SPIDR: variants seen among roughly 807,000 people sequenced by gnomAD.
SPIDR encodes scaffold protein involved in DNA repair, also known as DNA repair-scaffolding protein.
SPIDR carries 93 observed loss-of-function variants against 104.6 expected under a neutral mutation model. That is an observed-to-expected ratio of 0.89 (90% confidence interval 0.75 to 1.06). The LOEUF (loss-of-function observed/expected upper bound fraction) is 1.06. SPIDR is among the 50% of genes least tolerant of loss of function. SPIDR has a pLI of 0.00. For missense variants in SPIDR, 1,154 were observed against 1,111.2 expected (o/e 1.04, Z -0.55); for synonymous variants, 431 against 416.9 (o/e 1.03, Z -0.41).
intron 8 of SPIDR, among the ~76,000 whole-genome samples, chr8:47,475,790 T>C (rs1323357342): frequency 6.6e-6 from 1 of 152,214 alleles, no homozygotes; most frequent in Non-Finnish European, 1.5e-5. Context: ...TTTCTTTATC[T>C]AAACCAATAC....
intron 10 of SPIDR, among the ~76,000 whole-genome samples, chr8:47,624,497 A>C (rs1179077571): frequency 6.6e-6 from 1 of 152,184 alleles, no homozygotes; most frequent in African/African-American, 2.4e-5. Flanking sequence ...TAGCAAGACT[A>C]ATAAAGAAGA....
At chr8:47,545,099 CTTTCTTTCTTTCTTTCTTTCT>C (rs2154394416) in intron 8 of SPIDR, among the ~76,000 whole-genome samples, 1 of 133,712 alleles carries the variant, frequency 7.5e-6, no homozygotes, top group Non-Finnish European at 1.6e-5. Flanking sequence ...TTCTTTCTTT[CTTTCTTTCTTTCTTTCTTTCT>C]TTTTTTTTTT....
At chr8:47,713,307 G>T in intron 15 of SPIDR, 182 bp from the exon 16 acceptor site, 1 of 783,040 alleles carries the variant, frequency 1.3e-6, no homozygotes, top group South Asian at 1.9e-5. Context: ...ACATTTGAGT[G>T]CTTTTTTAGC....
At chr8:47,333,264 A>G (rs1404265743) in intron 5 of SPIDR, among the ~76,000 whole-genome samples, 1 of 152,070 alleles carries the variant, frequency 6.6e-6, no homozygotes, top group African/African-American at 2.4e-5. Context: ...TTTTACAGTT[A>G]ACTTAAGAAA....
At chr8:47,353,052 C>CA (rs57853552) in intron 5 of SPIDR, among the ~76,000 whole-genome samples, 41,438 of 75,122 alleles carry the variant, frequency 0.55, 12,131 homozygotes, top group Non-Finnish European at 0.68. Flanking sequence ...GACTCTATCT[C>CA]AAAAAAAAAA....
intron 8 of SPIDR, among the ~76,000 whole-genome samples, chr8:47,575,792 T>C (rs2059037521): frequency 6.6e-6 from 1 of 151,562 alleles, no homozygotes; most frequent in African/African-American, 2.4e-5. Flanking sequence ...AAACCCCGTC[T>C]CTACTGAAAA....
intron 10 of SPIDR, among the ~76,000 whole-genome samples, chr8:47,628,334 G>T (rs1042669640): frequency 2.0e-5 from 3 of 152,130 alleles, no homozygotes; most frequent in African/African-American, 7.2e-5. Context: ...AACCATTTCT[G>T]ACAAAGTTCA....
At chr8:47,400,312 A>G (rs1050332189) in intron 6 of SPIDR, among the ~76,000 whole-genome samples, 14 of 152,220 alleles carry the variant, frequency 9.2e-5, no homozygotes, top group Non-Finnish European at 1.8e-4. Context: ...ACAGCATGCA[A>G]TTGATCATTT....
chr8:47,363,350 C>T (rs1238563240), intron 5 of SPIDR, among the ~76,000 whole-genome samples: 3 of 150,160 alleles, frequency 2.0e-5, no homozygotes, highest in African/African-American at 4.9e-5. Context: ...GGACTACAGG[C>T]GCCCGCCGCT....
chr8:47,280,478 C>T (rs1328273970), intron 2 of SPIDR, among the ~76,000 whole-genome samples: 4 of 151,688 alleles, frequency 2.6e-5, no homozygotes, highest in Admixed American at 6.6e-5. Context: ...CTGCAACCTC[C>T]GCCTCCCGGG....
At chr8:47,628,036 G>A (rs940108730) in intron 10 of SPIDR, among the ~76,000 whole-genome samples, 4 of 152,116 alleles carry the variant, frequency 2.6e-5, no homozygotes, top group African/African-American at 9.7e-5. Context: ...ATTCTGTCAT[G>A]GGATGTGATT....
At chr8:47,472,566 A>G (rs2075852841) in intron 8 of SPIDR, among the ~76,000 whole-genome samples, 1 of 152,232 alleles carries the variant, frequency 6.6e-6, no homozygotes, top group South Asian at 2.1e-4. Flanking sequence ...GTGTAAACTA[A>G]GTGAAGTCAT....
intron 5 of SPIDR, among the ~76,000 whole-genome samples, chr8:47,391,541 A>T (rs551041210): frequency 6.6e-6 from 1 of 152,130 alleles, no homozygotes; most frequent in South Asian, 2.1e-4. Flanking sequence ...ATCCTGTCTT[A>T]AAAAAACAAA....
At chr8:47,554,337 C>G (rs1240350836) in intron 8 of SPIDR, among the ~76,000 whole-genome samples, 2 of 152,196 alleles carry the variant, frequency 1.3e-5, no homozygotes, top group Non-Finnish European at 2.9e-5. Context: ...TCAGCTATGC[C>G]CTGCCCCCAG....
chr8:47,713,296 C>A, intron 15 of SPIDR, 193 bp from the exon 16 acceptor site: 1 of 735,032 alleles, frequency 1.4e-6, no homozygotes, highest in Non-Finnish European at 2.2e-6. Flanking sequence ...ACTTGAATCT[C>A]ACATTTGAGT....
intron 1 of SPIDR, among the ~76,000 whole-genome samples, chr8:47,265,225 T>A (rs2033679791): frequency 6.8e-6 from 1 of 147,068 alleles, no homozygotes; most frequent in South Asian, 2.2e-4. Context: ...AGTCTTACTC[T>A]GTCGCCCAGG....
At chr8:47,272,386 A>G (rs1351823519) in intron 1 of SPIDR, among the ~76,000 whole-genome samples, 1 of 152,200 alleles carries the variant, frequency 6.6e-6, no homozygotes, top group Non-Finnish European at 1.5e-5. Context: ...TGTTGGTGCT[A>G]TAATTTTGTT....
chr8:47,269,473 G>T (rs1308501056), intron 1 of SPIDR, among the ~76,000 whole-genome samples: 1 of 151,092 alleles, frequency 6.6e-6, no homozygotes, highest in Non-Finnish European at 1.5e-5. Flanking sequence ...GGCCGGGCTG[G>T]TATTGAACTC....
At chr8:47,734,357 A>G (rs1361746598) in intron 19 of SPIDR, among the ~76,000 whole-genome samples, 1 of 152,166 alleles carries the variant, frequency 6.6e-6, no homozygotes, top group Non-Finnish European at 1.5e-5. Context: ...ACTCAGGGAA[A>G]GGCAGTGAGA....
Sources: gnomAD v4.1 joint callset for allele counts (sites outside exome capture counted in the v4.1 genomes callset) on GRCh38, gnomAD v4.1.1 for gene constraint, MANE v1.5 for transcripts, NCBI Gene and HGNC (gene_info 2026-07-23, HGNC 2026-07-21) for gene names.